TXK: variants seen among roughly 807,000 people sequenced by gnomAD.
TXK encodes the protein TXK tyrosine kinase.
A neutral mutation model predicts 81.0 loss-of-function variants in TXK; 60 were observed. The observed-to-expected ratio is 0.74, with a 90% CI of 0.60 to 0.92. TXK has a LOEUF of 0.92. Among genes scored for constraint, TXK ranks in the 40% least tolerant of loss-of-function variants. The pLI is 0.00. For synonymous variants in TXK, 203 were observed against 210.7 expected (o/e 0.96, Z 0.32); for missense variants, 581 against 638.3 (o/e 0.91, Z 0.97).
rs765522034 is a variant in TXK, at chr4:48,114,327, T to C, written c.71+21A>G. 2.5e-6 allele frequency: 4 copies of C among 1,613,144 alleles called. No homozygotes were observed. In the East Asian group the frequency reaches 8.9e-5, roughly 36 times the overall value. On this transcript the variant is annotated intron_variant, in intron 2 of 14. Transcript: ENST00000264316. ...CGGAATTAATTAATTTTCAAGAAAT[T>C]GCCCTCGGAAGTAGACTTACCGCTT...
In TXK at chr4:48,134,231, C is replaced by T. The variant is rs373239737; in HGVS notation, c.-61G>A. The T allele has an allele frequency of 1.9e-6, 3 of 1,590,304 alleles. No homozygotes were observed. In the African/African-American group the frequency reaches 4.0e-5, roughly 21 times the overall value. On this transcript the variant is annotated 5_prime_UTR_variant, in exon 1 of 15. It adds an upstream start codon to the 5' untranslated region. Transcript: ENST00000264316. ...CAGTTCTTCTGCGGTGCTCTACTCA[C>T]AAAAACACATCTTTCAACTGAAATC...
At chr4:48,100,915 TA>T (rs1298310573) in intron 6 of TXK, among the ~76,000 whole-genome samples, 2 of 151,812 alleles carry the variant, frequency 1.3e-5, no homozygotes, top group African/African-American at 4.8e-5. Flanking sequence ...TATCCTTATG[TA>T]AAAAAATATA....
At chr4:48,093,460 A>G (rs1717857494) in intron 8 of TXK, among the ~76,000 whole-genome samples, 2 of 152,238 alleles carry the variant, frequency 1.3e-5, no homozygotes, top group South Asian at 4.1e-4. Context: ...TGAAGGCCAG[A>G]GAGGTGATTT....
At chr4:48,130,882 C>T (rs1719232333) in intron 1 of TXK, among the ~76,000 whole-genome samples, 1 of 152,152 alleles carries the variant, frequency 6.6e-6, no homozygotes, top group Non-Finnish European at 1.5e-5. Flanking sequence ...GAGATGAGCC[C>T]AGAAACCTGC....
intron 9 of TXK, among the ~76,000 whole-genome samples, chr4:48,088,000 T>C (rs911408709): frequency 1.3e-5 from 2 of 151,882 alleles, no homozygotes; most frequent in Non-Finnish European, 2.9e-5. Flanking sequence ...TTTTTAAGGG[T>C]AAAAAATGTG....
intron 10 of TXK, among the ~76,000 whole-genome samples, chr4:48,083,657 A>G (rs1210816886): frequency 1.3e-5 from 2 of 152,252 alleles, no homozygotes; most frequent in African/African-American, 4.8e-5. Flanking sequence ...GTGAGGATTC[A>G]TTAATTCATT....
intron 6 of TXK, among the ~76,000 whole-genome samples, chr4:48,098,638 C>T (rs1298785160): frequency 6.6e-6 from 1 of 152,150 alleles, no homozygotes; most frequent in African/African-American, 2.4e-5. Flanking sequence ...AATCCAGCAT[C>T]GTGCTATATG....
chr4:48,111,056 C>T (rs1018554829), intron 4 of TXK, among the ~76,000 whole-genome samples: 4 of 152,156 alleles, frequency 2.6e-5, no homozygotes, highest in African/African-American at 9.7e-5. Context: ...AAGAATATTT[C>T]TCAAAGACAG....
intron 1 of TXK, among the ~76,000 whole-genome samples, chr4:48,124,374 C>T (rs528116924): frequency 2.6e-5 from 4 of 152,284 alleles, no homozygotes; most frequent in African/African-American, 4.8e-5. Flanking sequence ...AGTGGAGACA[C>T]TGGACCAGAT....
chr4:48,102,402 C>T (rs1414058152), intron 6 of TXK, among the ~76,000 whole-genome samples: 4 of 152,262 alleles, frequency 2.6e-5, no homozygotes, highest in African/African-American at 7.2e-5. Flanking sequence ...TCAAAAGTAA[C>T]TCAGTTGCAC....
intron 8 of TXK, among the ~76,000 whole-genome samples, chr4:48,091,510 CT>C (rs536973592): frequency 0.083 from 11,978 of 144,766 alleles, 1,555 homozygotes; most frequent in African/African-American, 0.28. Context: ...TTTTTCTTTT[CT>C]TTTTTTTTTT....
Position 48,100,177 on chromosome 4 carries a change from A to AAAC in TXK, c.501+4723_501+4724insGTT, listed in dbSNP as rs1231719361. ...ACAGAAAGAGACTCCATCTCAAAAA[A>AAAC]AAAAAAAAAAAAAAAAAATGCATAA... On this transcript the variant is annotated intron_variant, in intron 6 of 14. Transcript: ENST00000264316. Among the ~76,000 whole-genome samples the AAAC allele has an allele frequency of 6.0e-5, 9 of 149,536 alleles. No homozygotes were observed. The East Asian group carries it at 1.5e-3, about 26-fold the overall frequency.
intron 5 of TXK, among the ~76,000 whole-genome samples, chr4:48,109,946 A>G (rs1474411506): frequency 2.0e-5 from 3 of 152,322 alleles, no homozygotes; most frequent in Middle Eastern, 3.4e-3. Flanking sequence ...CTAAATTTAT[A>G]AAAAACATAT....
chr4:48,073,768 C>T (rs965490823), intron 13 of TXK, among the ~76,000 whole-genome samples, 167 bp downstream of exon 13: 2 of 152,182 alleles, frequency 1.3e-5, no homozygotes, highest in Non-Finnish European at 2.9e-5. Flanking sequence ...GTATGTGACA[C>T]CAGTTGCCAA....
rs576947648 is a variant in TXK, at chr4:48,113,248, G to A, written c.133C>T (p.Arg45Cys). 8 of 1,613,466 alleles carry A rather than the reference G, an allele frequency of 5.0e-6. No individual in the cohort carries two copies. The highest frequency in any genetic ancestry group is 4.4e-5 in the South Asian group (4 of 90,996). The change falls in exon 3 of 15, where the codon CGT becomes TGT. Residue 45 changes from arginine (R) to cysteine (C), a missense_variant. Arg to Cys is a radical substitution (Grantham distance 180, BLOSUM62 -3). Coordinates refer to ENST00000264316, the MANE Select transcript of TXK (RefSeq NM_003328.3). ...DEELPEKYTQRRRPWLSQLSN... is the reference protein window; with the variant it reads ...DEELPEKYTQCRRPWLSQLSN... Reference sequence around the variant, plus strand: ...AATTGGCTGAGCCACGGCCTGCGACGCTGGGTGTATTTTTCTGGAAGCTCT... The same window carrying A: ...AATTGGCTGAGCCACGGCCTGCGACACTGGGTGTATTTTTCTGGAAGCTCT...
In TXK at chr4:48,094,133, C is replaced by G. The variant is rs774069318; in HGVS notation, c.653G>C (p.Arg218Thr). ...NDSGQWYVAE[R>T]HAFQSIPELI... ...CTCAGGGATTGATTGAAAGGCGTGT[C>G]TTTCAGCCACATACCACTGTCCTGA... is the stretch of plus-strand genomic sequence containing the variant. Residue 218 changes from arginine to threonine, a missense_variant, in exon 8 of 15, where the codon AGA becomes ACA. By Grantham distance (71) the Arg-to-Thr change is moderately conservative. Transcript: ENST00000264316. The G allele has an allele frequency of 3.1e-6, 5 of 1,613,784 alleles. No individual in the cohort carries two copies. Among genetic ancestry groups the G allele is most frequent in the Non-Finnish European group, 4.2e-6 (5 of 1,180,048 alleles).
intron 5 of TXK, among the ~76,000 whole-genome samples, chr4:48,108,160 C>A (rs1718522669): frequency 6.6e-6 from 1 of 152,052 alleles, no homozygotes; most frequent in African/African-American, 2.4e-5. Context: ...ACTGTAAGTT[C>A]CATAACTGTA....
intron 6 of TXK, among the ~76,000 whole-genome samples, chr4:48,100,699 A>C (rs1718159452): frequency 1.3e-5 from 2 of 152,238 alleles, no homozygotes. Flanking sequence ...GATTTATCCT[A>C]CAAACCCATA....
At chr4:48,071,975 A>G in intron 13 of TXK, among the ~76,000 whole-genome samples, 1 of 135,642 alleles carries the variant, frequency 7.4e-6, no homozygotes, top group Admixed American at 7.9e-5. Context: ...TTTTTTTGAG[A>G]CAGGGTCTCG....
Sources: gnomAD v4.1 joint callset for allele counts (sites outside exome capture counted in the v4.1 genomes callset) on GRCh38, gnomAD v4.1.1 for gene constraint, MANE v1.5 for transcripts, NCBI Gene and HGNC (gene_info 2026-07-23, HGNC 2026-07-21) for gene names.